The following FCHSD2 variants were observed in gnomAD, a reference collection of about 807,000 sequenced individuals.
FCHSD2 encodes the protein FCH and double SH3 domains 2.
FCHSD2 carries 38 observed loss-of-function variants against 108.1 expected under a neutral mutation model. The observed-to-expected ratio is 0.35, with a 90% CI of 0.27 to 0.46. The LOEUF is 0.46. Ranked by LOEUF, FCHSD2 falls within the 20% of genes least tolerant of loss-of-function variation. FCHSD2 has a pLI of 1.00. For missense variants in FCHSD2, 751 were observed against 897.8 expected, an observed-to-expected ratio of 0.84 and a Z score of 2.09; for synonymous variants, 279 against 314.7, an observed-to-expected ratio of 0.89 and a Z score of 1.20.
intron 8 of FCHSD2, among the ~76,000 whole-genome samples, chr11:72,966,107 G>C (rs1320059994): frequency 6.6e-6 from 1 of 151,374 alleles, no homozygotes; most frequent in Non-Finnish European, 1.5e-5. Flanking sequence ...CCAGCGTGAT[G>C]GATACATCTA....
At position 73,000,996 on chromosome 11, in the gene FCHSD2, T is replaced by C; in HGVS notation, c.381A>G (p.Leu127=). Residue 127 remains leucine, a synonymous_variant, in exon 5 of 20, where the codon CTA becomes CTG. Coordinates refer to ENST00000409418, the MANE Select transcript of FCHSD2 (RefSeq NM_014824.3). The stretch of plus-strand genomic sequence containing the variant: ...ACAGAAATAAAAACAATACCCTTTT[T>C]AGTTGCTGTTCTTTTAAGCTTCTCA... ...RTVRSLKEQQ[L]KRCVDQLTKI... 6.2e-7 allele frequency: 1 copy of C among 1,605,530 alleles called. No homozygotes were observed. Among genetic ancestry groups the C allele is most frequent in the Non-Finnish European group, 8.5e-7 (1 of 1,175,688 alleles).
rs1855227892 is a variant in FCHSD2, at chr11:72,887,714, T to C, written c.1042-140A>G. ...TTTCATTTATTTATTTTTTGAACAT[T>C]TTGAAATAATTATAGACTTACTAGT... On this transcript the variant is annotated intron_variant, in intron 11 of 19. Coordinates refer to ENST00000409418, the MANE Select transcript of FCHSD2 (RefSeq NM_014824.3). 9.1e-6 allele frequency: 5 copies of C among 548,846 alleles called. No homozygotes were observed. The East Asian group carries it at 1.8e-4, about 20-fold the overall frequency. 34.0% of individuals were successfully genotyped at this position (548,846 alleles called of 1,614,324 possible).
chr11:72,930,310 C>A (rs537808986), intron 8 of FCHSD2, among the ~76,000 whole-genome samples: 1 of 152,310 alleles, frequency 6.6e-6, no homozygotes, highest in Non-Finnish European at 1.5e-5. Flanking sequence ...TCACAGCTTG[C>A]CAGCTCCTCA....
In FCHSD2 at chr11:73,124,991, G is replaced by A. The variant is rs116352467; in HGVS notation, c.119+15040C>T. Among the ~76,000 whole-genome samples, 1,211 of 152,270 alleles carry A rather than the reference G, an allele frequency of 8.0e-3. 21 individuals carry two copies. The highest frequency in any genetic ancestry group is 0.027 in the African/African-American group (1,136 of 41,560). ...TAACTTCTCATCAGAAATAATGAAA[G>A]CCAGAAGACACTGGAGTGACCAACT... On this transcript the variant is annotated intron_variant, in intron 2 of 19. Transcript: ENST00000409418.
intron 10 of FCHSD2, among the ~76,000 whole-genome samples, chr11:72,897,133 G>T (rs760490088): frequency 6.6e-6 from 1 of 151,956 alleles, no homozygotes; most frequent in South Asian, 2.1e-4. Flanking sequence ...ACGCCCGGCC[G>T]TCCTGTGGAA....
intron 2 of FCHSD2, among the ~76,000 whole-genome samples, chr11:73,093,023 C>T (rs989447360): frequency 1.3e-5 from 2 of 152,172 alleles, no homozygotes; most frequent in Non-Finnish European, 2.9e-5. Flanking sequence ...ATCATCTCAA[C>T]CTCTGGAGAG....
rs758382229 is a variant in FCHSD2, at chr11:72,858,146, A to G, written c.1309-8257T>C. On this transcript the variant is annotated intron_variant, in intron 13 of 19. Coordinates refer to ENST00000409418, the MANE Select transcript of FCHSD2 (RefSeq NM_014824.3). ...GAATCCAGATAAAGAATCTGGTAAT[A>G]CCTAATACAGAGGAAGACAGCTCCT... Among the ~76,000 whole-genome samples, 192 of 152,358 alleles carry G rather than the reference A, an allele frequency of 1.3e-3. 1 individual carries two copies. The highest frequency in any genetic ancestry group is 3.4e-3 in the Middle Eastern group (1 of 294).
At chr11:72,841,411 G>GAAGTGAA in intron 18 of FCHSD2, 43 bp downstream of exon 18, 1 of 1,543,054 alleles carries the variant, frequency 6.5e-7, no homozygotes, top group Non-Finnish European at 8.8e-7. Context: ...GTAGGTTTCT[G>GAAGTGAA]AAGTGAAAAT....
chr11:72,937,241 G>A (rs775015006), intron 8 of FCHSD2, among the ~76,000 whole-genome samples: 3 of 152,160 alleles, frequency 2.0e-5, no homozygotes, highest in South Asian at 2.1e-4. Flanking sequence ...TCAGAAAAAC[G>A]TATAGATTAG....
In FCHSD2 at chr11:72,903,823, C is replaced by T. The variant is rs374865039; in HGVS notation, c.829-1185G>A. Among the ~76,000 whole-genome samples the T allele has an allele frequency of 7.2e-5, 11 of 152,078 alleles. 2 individuals carry two copies. The East Asian group carries it at 7.7e-4, about 11-fold the overall frequency. ...CTGGGAAAAGGGATAATTGAGGAGA[C>T]GCAAAAAGTAGTAGGTGTATATTGC... On this transcript the variant is annotated intron_variant, in intron 9 of 19. Coordinates refer to ENST00000409418, the MANE Select transcript of FCHSD2 (RefSeq NM_014824.3).
intron 8 of FCHSD2, among the ~76,000 whole-genome samples, chr11:72,951,835 G>T (rs1856626108): frequency 6.6e-6 from 1 of 152,148 alleles, no homozygotes; most frequent in Admixed American, 6.5e-5. Context: ...GATCAATCAT[G>T]CTTGCTGAGG....
chr11:73,113,349 T>G (rs34409474), intron 2 of FCHSD2, among the ~76,000 whole-genome samples: 1 of 141,314 alleles, frequency 7.1e-6, no homozygotes, highest in Admixed American at 7.4e-5. Context: ...CTTCCCAAGA[T>G]GGTCTTTTTT....
At chr11:73,046,141 C>T (rs544486926) in intron 3 of FCHSD2, among the ~76,000 whole-genome samples, 2 of 152,044 alleles carry the variant, frequency 1.3e-5, no homozygotes, top group East Asian at 1.9e-4. Flanking sequence ...AAGACACACA[C>T]CATGATGCCA....
At chr11:72,993,799 C>A (rs748157496) in intron 5 of FCHSD2, among the ~76,000 whole-genome samples, 1 of 151,786 alleles carries the variant, frequency 6.6e-6, no homozygotes. Flanking sequence ...TGGAGATATA[C>A]CTAATGTTAA....
chr11:73,052,598 G>A (rs1404254560), intron 3 of FCHSD2, among the ~76,000 whole-genome samples: 2 of 152,106 alleles, frequency 1.3e-5, no homozygotes, highest in African/African-American at 4.8e-5. Flanking sequence ...AAACACTGTC[G>A]AAAATAAACA....
intron 14 of FCHSD2, among the ~76,000 whole-genome samples, chr11:72,847,464 C>T (rs548766118): frequency 6.6e-6 from 1 of 152,308 alleles, no homozygotes; most frequent in South Asian, 2.1e-4. Flanking sequence ...ACAAGGTAAA[C>T]ATACAGAGAC....
At chr11:72,907,545 G>A (rs1387804144) in intron 9 of FCHSD2, among the ~76,000 whole-genome samples, 1 of 150,792 alleles carries the variant, frequency 6.6e-6, no homozygotes, top group Non-Finnish European at 1.5e-5. Context: ...TAGCATGAAG[G>A]GCTGCTAAAT....
At chr11:72,957,157 A>G (rs1039959492) in intron 8 of FCHSD2, among the ~76,000 whole-genome samples, 25 of 148,242 alleles carry the variant, frequency 1.7e-4, no homozygotes, top group African/African-American at 5.4e-4. Flanking sequence ...AGCATTAGGT[A>G]TATCTCCCAG....
intron 10 of FCHSD2, among the ~76,000 whole-genome samples, chr11:72,898,914 A>ATTC (rs1855473170): frequency 6.6e-6 from 1 of 151,048 alleles, no homozygotes; most frequent in South Asian, 2.1e-4. Flanking sequence ...TATTATTATT[A>ATTC]TTATTTTTTT....
Sources: allele counts gnomAD v4.1 joint callset (sites outside exome capture counted in the v4.1 genomes callset), GRCh38; gene constraint gnomAD v4.1.1; transcripts MANE v1.5; gene names NCBI Gene and HGNC (gene_info 2026-07-23, HGNC 2026-07-21).